Variants in LRGUK observed in about 807,000 individuals in gnomAD.
LRGUK encodes leucine-rich repeat and guanylate kinase domain-containing protein.
LRGUK carries 65 observed loss-of-function variants against 76.0 expected under a neutral mutation model. The observed-to-expected ratio is 0.85, with a 90% confidence interval of 0.70 to 1.05. LRGUK has a LOEUF of 1.05. Among genes scored for constraint, LRGUK ranks in the 50% least tolerant of loss-of-function variants. The pLI is 0.00. For missense variants in LRGUK, 758 were observed against 732.8 expected (o/e 1.03, Z -0.40); for synonymous variants, 268 against 265.6 (o/e 1.01, Z -0.09).
At chr7:134,269,173 T>C (rs939675833), downstream of LRGUK, among the ~76,000 whole-genome samples, 1 of 152,124 alleles carries the variant, frequency 6.6e-6, no homozygotes, top group Non-Finnish European at 1.5e-5. Context: ...CCTTTCTTAC[T>C]CAGTTCAATG....
chr7:134,221,916 GC>G lies in LRGUK; in HGVS notation c.1982del (p.Ala661GlyfsTer17). 2 of 1,591,428 alleles carry G rather than the reference GC, an allele frequency of 1.3e-6. No individual in the cohort carries two copies. Among genetic ancestry groups the G allele is most frequent in the Admixed American group, 1.8e-5 (1 of 55,626 alleles). On this transcript the variant is annotated frameshift_variant and splice_region_variant, in exon 16 of 20. Coordinates refer to the LRGUK transcript ENST00000285928. LOFTEE classifies it high-confidence loss of function. ...CAAACTTTCAGCCAAAAAAACACCAGCGGTAAGAGAGGAATAGAAGGGGTGA... is the reference window on the plus strand; with the variant it reads ...CAAACTTTCAGCCAAAAAAACACCAGGGTAAGAGAGGAATAGAAGGGGTGA...
In LRGUK at chr7:134,238,396, A is replaced by T. The variant is rs142821119; in HGVS notation, c.1984-9160A>T. On this transcript the variant is annotated intron_variant, in intron 16 of 19. Coordinates refer to the LRGUK transcript ENST00000285928. Reference sequence around the variant, plus strand: ...TGAGTCTTCTTTATCTTAAATATTCATCATTTTCTCTTGAGTCCTTTTTTA... The same window carrying T: ...TGAGTCTTCTTTATCTTAAATATTCTTCATTTTCTCTTGAGTCCTTTTTTA... 8.0e-3 allele frequency among the ~76,000 whole-genome samples: 1,215 copies of T among 152,124 alleles called. 12 individuals are homozygous for T. The highest frequency in any genetic ancestry group is 0.022 in the African/African-American group (934 of 41,530).
At chr7:134,226,262 T>C (rs1349151112) in intron 16 of LRGUK, among the ~76,000 whole-genome samples, 1 of 97,894 alleles carries the variant, frequency 1.0e-5, no homozygotes, top group Non-Finnish European at 1.9e-5. Context: ...GTGTGTGTGT[T>C]TCTGGTTCTG....
chr7:134,214,591 A>C (rs1276251910), downstream of LRGUK, among the ~76,000 whole-genome samples: 1 of 152,146 alleles, frequency 6.6e-6, no homozygotes, highest in Admixed American at 6.6e-5. Context: ...AATTAGAGGA[A>C]ACTATTTATT....
At chr7:134,176,954 A>T in intron 8 of LRGUK, 23 bp from the exon 9 acceptor site, 1 of 1,439,810 alleles carries the variant, frequency 6.9e-7, no homozygotes, top group Non-Finnish European at 9.7e-7. Context: ...GCAACTGAAC[A>T]GTCCTCTTGA....
At chr7:134,225,891 C>T (rs994526343) in intron 16 of LRGUK, among the ~76,000 whole-genome samples, 15 of 152,138 alleles carry the variant, frequency 9.9e-5, no homozygotes, top group African/African-American at 3.6e-4. Flanking sequence ...CACACACTGC[C>T]TTTATGCAGC....
At chr7:134,148,936 C>G (rs1798091271) in intron 5 of LRGUK, among the ~76,000 whole-genome samples, 1 of 151,880 alleles carries the variant, frequency 6.6e-6, no homozygotes, top group Non-Finnish European at 1.5e-5. Flanking sequence ...AAATTAACTC[C>G]TTTCTTCAAA....
chr7:134,262,690 A>G (rs531278652), intron 19 of LRGUK, among the ~76,000 whole-genome samples: 1 of 151,838 alleles, frequency 6.6e-6, no homozygotes, highest in Non-Finnish European at 1.5e-5. Context: ...AGGAAGGGCC[A>G]GACTCAGTGG....
At chr7:134,179,222 C>T (rs530763010) in intron 10 of LRGUK, among the ~76,000 whole-genome samples, 2 of 152,292 alleles carry the variant, frequency 1.3e-5, no homozygotes, top group East Asian at 3.9e-4. Context: ...AACAGAGTCT[C>T]TCACCTCTGA....
chr7:134,221,972 A>G (rs1801612272), intron 16 of LRGUK, 54 bp downstream of exon 16: 6 of 1,416,210 alleles, frequency 4.2e-6, no homozygotes, highest in Non-Finnish European at 9.3e-7. Flanking sequence ...ACAATGTCAG[A>G]CAAAGAGGGG....
chr7:134,201,442 G>A, intron 14 of LRGUK, 39 bp from the exon 15 acceptor site: 2 of 1,465,720 alleles, frequency 1.4e-6, no homozygotes, highest in South Asian at 1.1e-5. Context: ...TGTATTGGAT[G>A]TGATCCTGTT....
chr7:134,201,229 G>A (rs183989413), intron 14 of LRGUK, among the ~76,000 whole-genome samples: 28 of 152,206 alleles, frequency 1.8e-4, no homozygotes, highest in East Asian at 9.6e-4. Context: ...AACCACATCC[G>A]CAAAAATCCC....
At chr7:134,153,849 C>G (rs1296780633) in intron 5 of LRGUK, among the ~76,000 whole-genome samples, 1 of 152,156 alleles carries the variant, frequency 6.6e-6, no homozygotes, top group Non-Finnish European at 1.5e-5. Context: ...TTGCAGCTCT[C>G]TCCACTAAGA....
At chr7:134,253,838 A>G (rs1305210799) in intron 18 of LRGUK, among the ~76,000 whole-genome samples, 1 of 152,236 alleles carries the variant, frequency 6.6e-6, no homozygotes, top group African/African-American at 2.4e-5. Context: ...TTTTAACTAT[A>G]TAGAGACAGC....
chr7:134,169,082 A>T (rs368330552), intron 7 of LRGUK, among the ~76,000 whole-genome samples: 1 of 150,756 alleles, frequency 6.6e-6, no homozygotes, highest in African/African-American at 2.4e-5. Context: ...AACATCTTGG[A>T]TGTAAGGTGG....
intron 16 of LRGUK, among the ~76,000 whole-genome samples, chr7:134,239,087 A>G (rs994334902): frequency 6.6e-6 from 1 of 152,144 alleles, no homozygotes; most frequent in African/African-American, 2.4e-5. Context: ...AGTTCCTATG[A>G]CTTCTGGAGG....
chr7:134,260,982 G>A (rs1010450042), intron 19 of LRGUK, among the ~76,000 whole-genome samples: 9 of 152,226 alleles, frequency 5.9e-5, no homozygotes, highest in Non-Finnish European at 1.0e-4. Flanking sequence ...GCAAGGGCAG[G>A]TGAAAGCACC....
intron 5 of LRGUK, among the ~76,000 whole-genome samples, chr7:134,150,827 T>G (rs725393): frequency 0.13 from 19,656 of 149,626 alleles, 1,603 homozygotes; most frequent in East Asian, 0.32. Context: ...GGAATTAGGG[T>G]TTTTTTTTTC....
At chr7:134,149,834 T>TACACAGGAAGACCACAGCAGCAGC (rs1490746056) in intron 5 of LRGUK, among the ~76,000 whole-genome samples, 2 of 152,148 alleles carry the variant, frequency 1.3e-5, no homozygotes, top group African/African-American at 4.8e-5. Flanking sequence ...TGTAGAGTGC[T>TACACAGGAAGACCACAGCAGCAGC]ACACAGGAAG....
Sources: allele counts gnomAD v4.1 joint callset (sites outside exome capture counted in the v4.1 genomes callset), GRCh38; gene constraint gnomAD v4.1.1; transcripts MANE v1.5; gene names NCBI Gene and HGNC (gene_info 2026-07-23, HGNC 2026-07-21).